Variants in SUSD6 observed in about 807,000 individuals in gnomAD.
SUSD6 encodes sushi domain-containing protein 6.
SUSD6 carries 16 observed loss-of-function variants against 28.4 expected under a neutral mutation model. The ratio of observed to expected loss-of-function variants is 0.56; its 90% CI spans 0.38 to 0.86. The LOEUF is 0.86. Ranked by LOEUF, SUSD6 falls within the 40% of genes least tolerant of loss-of-function variation. The pLI is 0.00. For missense variants in SUSD6, 341 were observed against 384.2 expected, an observed-to-expected ratio of 0.89 and a Z score of 0.94; for synonymous variants, 147 against 159.6, an observed-to-expected ratio of 0.92 and a Z score of 0.59.
chr14:69,647,742 C>A (rs1009243347), intron 1 of SUSD6, among the ~76,000 whole-genome samples: 2 of 151,858 alleles, frequency 1.3e-5, no homozygotes, highest in Non-Finnish European at 2.9e-5. Flanking sequence ...CCCAGCACTT[C>A]GGGAGGCCAA....
At chr14:69,645,253 G>A (rs917901678) in intron 1 of SUSD6, among the ~76,000 whole-genome samples, 1 of 152,194 alleles carries the variant, frequency 6.6e-6, no homozygotes, top group Admixed American at 6.5e-5. Context: ...AAACTCAGGG[G>A]AAAATACTCA....
chr14:69,621,220 T>C (rs1237618726), intron 1 of SUSD6, among the ~76,000 whole-genome samples: 1 of 152,162 alleles, frequency 6.6e-6, no homozygotes, highest in Non-Finnish European at 1.5e-5. Context: ...GGGATTAAAA[T>C]AACAAGTATA....
intron 1 of SUSD6, among the ~76,000 whole-genome samples, chr14:69,626,000 C>T (rs1486115190): frequency 6.6e-6 from 1 of 152,156 alleles, no homozygotes; most frequent in Non-Finnish European, 1.5e-5. Context: ...CACCTGCTCC[C>T]AGAACAATCT....
At chr14:69,616,118 A>G (rs1884956378) in intron 1 of SUSD6, among the ~76,000 whole-genome samples, 1 of 152,220 alleles carries the variant, frequency 6.6e-6, no homozygotes, top group South Asian at 2.1e-4. Flanking sequence ...GTGGGTTTGC[A>G]GACGGCAGAG....
At chr14:69,695,827 G>T (rs1332374695) in intron 2 of SUSD6, among the ~76,000 whole-genome samples, 1 of 152,198 alleles carries the variant, frequency 6.6e-6, no homozygotes, top group Non-Finnish European at 1.5e-5. Context: ...ATAGTGCCTG[G>T]CCTGTAGTCA....
intron 4 of SUSD6, 112 bp downstream of exon 4, chr14:69,704,854 TC>T: frequency 1.7e-6 from 2 of 1,181,384 alleles, no homozygotes; most frequent in Non-Finnish European, 2.4e-6. Context: ...TCTGTGTGTG[TC>T]CAGGGAGTGG....
At chr14:69,653,747 C>CTTTTTTTTTTTTTTTTTTTT (rs3048700) in intron 1 of SUSD6, among the ~76,000 whole-genome samples, 3 of 93,244 alleles carry the variant, frequency 3.2e-5, no homozygotes, top group African/African-American at 4.1e-5. Context: ...CCTAGTGAAA[C>CTTTTTTTTTTTTTTTTTTTT]TTTTTTTTTT....
chr14:69,661,984 A>G (rs1330271760), intron 2 of SUSD6, among the ~76,000 whole-genome samples: 1 of 151,986 alleles, frequency 6.6e-6, no homozygotes, highest in Admixed American at 6.6e-5. Flanking sequence ...AAAATTTTTT[A>G]TGTTGCCCAG....
At chr14:69,614,175 C>T (rs1162982213) in intron 1 of SUSD6, among the ~76,000 whole-genome samples, 1 of 152,184 alleles carries the variant, frequency 6.6e-6, no homozygotes, top group Non-Finnish European at 1.5e-5. Flanking sequence ...TCAAACGATT[C>T]TCTGCCTCAG....
chr14:69,649,349 G>T (rs1371183907), intron 1 of SUSD6, among the ~76,000 whole-genome samples: 1 of 152,130 alleles, frequency 6.6e-6, no homozygotes. Flanking sequence ...TGCCAACTGG[G>T]TATTGAAGCC....
At chr14:69,658,489 T>G in intron 1 of SUSD6, 24 bp from the exon 2 acceptor site, 3 of 1,251,868 alleles carry the variant, frequency 2.4e-6, no homozygotes. Context: ...GTTTTCACTT[T>G]ATGTCCTTGT....
intron 2 of SUSD6, among the ~76,000 whole-genome samples, chr14:69,695,314 G>A (rs1886209829): frequency 1.3e-5 from 2 of 152,318 alleles, no homozygotes; most frequent in Admixed American, 6.5e-5. Context: ...TCCACAGCAG[G>A]AATCTGTCCC....
At chr14:69,630,426 TAATTA>T (rs1312115017) in intron 1 of SUSD6, among the ~76,000 whole-genome samples, 1 of 152,212 alleles carries the variant, frequency 6.6e-6, no homozygotes, top group Non-Finnish European at 1.5e-5. Context: ...CTGCACAACT[TAATTA>T]AATTACTGAA....
intron 2 of SUSD6, among the ~76,000 whole-genome samples, chr14:69,673,554 C>A (rs1264010027): frequency 6.6e-6 from 1 of 152,100 alleles, no homozygotes; most frequent in Admixed American, 6.6e-5. Flanking sequence ...GGTGGGCCAA[C>A]CTAATAAAAC....
intron 2 of SUSD6, among the ~76,000 whole-genome samples, chr14:69,676,587 A>C (rs1421540712): frequency 6.6e-6 from 1 of 152,050 alleles, no homozygotes; most frequent in African/African-American, 2.4e-5. Flanking sequence ...TAGAGATGAC[A>C]TCTTAGTATG....
At chr14:69,657,490 T>C (rs763353453) in intron 1 of SUSD6, among the ~76,000 whole-genome samples, 9 of 151,884 alleles carry the variant, frequency 5.9e-5, no homozygotes, top group African/African-American at 2.2e-4. Context: ...GTAGTATCCC[T>C]GGCAGAGTCC....
rs149868775 is a variant in SUSD6 at position 69,659,987 on chromosome 14, C to A, written c.121+1274C>A. On this transcript the variant is annotated intron_variant, in intron 2 of 5. Transcript: ENST00000342745. ...GCCACAACCTACCTCTGTGTCTACA[C>A]TCCAGAATCATCATTGAACTCACCA... is the stretch of plus-strand genomic sequence containing the variant. Among the ~76,000 whole-genome samples the A allele has an allele frequency of 8.5e-5, 13 of 152,344 alleles. No individual in the cohort carries two copies. In the East Asian group the frequency reaches 2.5e-3, roughly 29 times the overall value.
intron 1 of SUSD6, among the ~76,000 whole-genome samples, chr14:69,658,261 G>T (rs1885613387): frequency 1.3e-5 from 2 of 152,192 alleles, no homozygotes; most frequent in African/African-American, 4.8e-5. Flanking sequence ...GTTTCTGAAA[G>T]CCCTGCTGTG....
At chr14:69,685,758 G>C (rs1886064023) in intron 2 of SUSD6, among the ~76,000 whole-genome samples, 1 of 152,242 alleles carries the variant, frequency 6.6e-6, no homozygotes, top group Non-Finnish European at 1.5e-5. Flanking sequence ...TGAGAGGGTA[G>C]AAGTAGTGGG....
Sources: allele counts gnomAD v4.1 joint callset (sites outside exome capture counted in the v4.1 genomes callset), GRCh38; gene constraint gnomAD v4.1.1; transcripts MANE v1.5; gene names NCBI Gene and HGNC (gene_info 2026-07-23, HGNC 2026-07-21).